The following PARP16 variants were observed in gnomAD, a reference collection of about 807,000 sequenced individuals.
PARP16 encodes the protein protein mono-ADP-ribosyltransferase PARP16.
Under a neutral mutation model 35.0 loss-of-function variants are expected in PARP16, and 31 were observed. That is an observed-to-expected ratio of 0.88 (90% CI 0.66 to 1.19). PARP16 has a LOEUF of 1.19. PARP16 is among the 50% of genes most tolerant of loss of function. The pLI is 0.00. For synonymous variants in PARP16, 162 were observed against 169.5 expected (o/e 0.96, Z 0.34); for missense variants, 424 against 411.2 (o/e 1.03, Z -0.27).
downstream of PARP16, among the ~76,000 whole-genome samples, chr15:65,233,359 G>A (rs1159364703): frequency 2.0e-5 from 3 of 152,152 alleles, no homozygotes; most frequent in Non-Finnish European, 4.4e-5. Context: ...CCAAGATCGC[G>A]CCACTGCTCT....
intron 3 of PARP16, 54 bp from the exon 4 acceptor site, chr15:65,263,374 G>C: frequency 6.9e-7 from 1 of 1,452,300 alleles, no homozygotes; most frequent in East Asian, 2.3e-5. Flanking sequence ...TGTACAGTTG[G>C]CACGGCAAGA....
intron 1 of PARP16, chr15:65,285,473 T>C (rs1321977658): frequency 7.7e-6 from 3 of 390,994 alleles, no homozygotes; most frequent in African/African-American, 2.1e-5. Flanking sequence ...ATGTTACTTG[T>C]GCAAGTCAGA....
chr15:65,246,781 A>G (rs1486273561), intron 3 of PARP16, among the ~76,000 whole-genome samples: 1 of 152,126 alleles, frequency 6.6e-6, no homozygotes, highest in Admixed American at 6.5e-5. Context: ...CTTAGAAGGT[A>G]CCGAAGAAAG....
rs371313518 is a variant in PARP16, at chr15:65,266,617, C to A, written c.464G>T (p.Arg155Leu). The A allele has an allele frequency of 1.2e-6, 2 of 1,614,054 alleles. No individual in the cohort carries two copies. Among genetic ancestry groups the A allele is most frequent in the Non-Finnish European group, 1.7e-6 (2 of 1,180,012 alleles). ...RDLIYAFHGS[R>L]LENFHSIIHN... Reference sequence around the variant, plus strand: ...GATAATGGAATGGAAGTTTTCTAGGCGGCTACCATGAAATGCATAGATTAG... The same window carrying A: ...GATAATGGAATGGAAGTTTTCTAGGAGGCTACCATGAAATGCATAGATTAG... Residue 155 changes from arginine (R) to leucine (L), a missense_variant, in exon 3 of 6, where the codon CGC becomes CTC. Physicochemically the swap from Arg to Leu is moderately radical, Grantham distance 102 (BLOSUM62 -2). Coordinates refer to ENST00000649807, the MANE Select transcript of PARP16 (RefSeq NM_001316943.2).
At chr15:65,238,677 A>G (rs1179378089) in intron 3 of PARP16, among the ~76,000 whole-genome samples, 3 of 152,090 alleles carry the variant, frequency 2.0e-5, no homozygotes, top group Non-Finnish European at 4.4e-5. Context: ...ATCCCTTCTT[A>G]CAGCAGCCAG....
chr15:65,247,021 C>T (rs1403675345), intron 3 of PARP16, among the ~76,000 whole-genome samples: 3 of 152,012 alleles, frequency 2.0e-5, no homozygotes, highest in African/African-American at 4.8e-5. Flanking sequence ...GACAGGGTCT[C>T]GCTCTGTTGC....
intron 2 of PARP16, among the ~76,000 whole-genome samples, chr15:65,270,412 G>C (rs1310431571): frequency 1.3e-5 from 2 of 152,186 alleles, no homozygotes; most frequent in Non-Finnish European, 2.9e-5. Context: ...TGAACCCAGA[G>C]CATGAGGTTT....
Position 65,271,079 on chromosome 15 carries a change from C to T in PARP16, c.175-7G>A. 6.2e-7 allele frequency: 1 copy of T among 1,613,938 alleles called. No individual in the cohort carries two copies. The highest frequency in any genetic ancestry group is 8.5e-7 in the Non-Finnish European group (1 of 1,179,916). Reference sequence around the variant, plus strand: ...ACTTGCTGGCATCTGCAAGCTGAAGCGACGGAAGAACTTCCATTAGCAAGG... The same window carrying T: ...ACTTGCTGGCATCTGCAAGCTGAAGTGACGGAAGAACTTCCATTAGCAAGG... On this transcript the variant is annotated splice_polypyrimidine_tract_variant and splice_region_variant and intron_variant, in intron 1 of 5. Coordinates refer to ENST00000649807, the MANE Select transcript of PARP16 (RefSeq NM_001316943.2).
downstream of PARP16, among the ~76,000 whole-genome samples, chr15:65,255,744 A>G (rs75965788): frequency 6.3e-4 from 51 of 81,176 alleles, 1 homozygote; most frequent in Non-Finnish European, 1.2e-3. Flanking sequence ...GAAAACTCAG[A>G]AAAAAAAAAA....
At chr15:65,232,054 T>C (rs971547172), downstream of PARP16, among the ~76,000 whole-genome samples, 1 of 152,156 alleles carries the variant, frequency 6.6e-6, no homozygotes, top group Non-Finnish European at 1.5e-5. Context: ...CTGTGCCAGT[T>C]TAGACTACAC....
chr15:65,259,619 C>T (rs565346821), intron 5 of PARP16, 77 bp from the exon 6 acceptor site: 1 of 1,332,510 alleles, frequency 7.5e-7, no homozygotes, highest in Non-Finnish European at 1.1e-6. Flanking sequence ...ACAAGTCTGG[C>T]TCTAAGAAGA....
At chr15:65,286,186 T>C in intron 1 of PARP16, 67 bp downstream of exon 1, 1 of 1,282,412 alleles carries the variant, frequency 7.8e-7, no homozygotes. Flanking sequence ...GAACTGCCTC[T>C]ACCTGTGGTT....
chr15:65,271,189 G>A, intron 1 of PARP16, 117 bp from the exon 2 acceptor site: 1 of 925,136 alleles, frequency 1.1e-6, no homozygotes, highest in Non-Finnish European at 1.7e-6. Flanking sequence ...GATCTCCTGA[G>A]AGGAAATTCA....
downstream of PARP16, among the ~76,000 whole-genome samples, chr15:65,231,787 TACA>T (rs1373856910): frequency 1.3e-5 from 2 of 152,266 alleles, no homozygotes; most frequent in African/African-American, 4.8e-5. Flanking sequence ...TTAATGTTAA[TACA>T]ACATTTGTTT....
chr15:65,280,436 CAAAAA>C (rs11450302), intron 1 of PARP16, among the ~76,000 whole-genome samples: 2 of 60,904 alleles, frequency 3.3e-5, no homozygotes, highest in Non-Finnish European at 3.6e-5. Context: ...GAACTCGTCT[CAAAAA>C]AAAAAAAAAA....
rs541646493 is a variant in PARP16, at chr15:65,239,825, T to A, written c.*98-5002A>T. On this transcript the variant is annotated intron_variant and NMD_transcript_variant, in intron 3 of 3. Transcript: ENST00000559805. ...GCACCTTCCACCACGCCTGGCTAATTTTTTGTATTTTTAGTAGAGACAGGG... is the reference window on the plus strand; with the variant it reads ...GCACCTTCCACCACGCCTGGCTAATATTTTGTATTTTTAGTAGAGACAGGG... Among the ~76,000 whole-genome samples the A allele has an allele frequency of 9.4e-4, 139 of 147,254 alleles. 1 individual carries two copies. Among genetic ancestry groups the A allele is most frequent in the Non-Finnish European group, 1.4e-3 (93 of 66,578 alleles).
In PARP16 at chr15:65,286,314, G is replaced by C. The variant is rs774056642; in HGVS notation, c.113C>G (p.Ser38Trp). 6 of 1,604,056 alleles carry C rather than the reference G, an allele frequency of 3.7e-6. No homozygotes were observed. In the African/African-American group the frequency reaches 6.8e-5, roughly 18 times the overall value. ...GGACGCGGGGAAGGGCCGCAGCACC[G>C]AGTCGCGCTTGTAGCTCTGCAGGGC... Reference protein sequence around the residue: ...ASALQSYKRDSVLRPFPASYA... With the variant: ...ASALQSYKRDWVLRPFPASYA... The change falls in exon 1 of 6, where the codon TCG (serine) becomes TGG (tryptophan). Residue 38 changes from serine (S) to tryptophan (W), a missense_variant. Transcript: ENST00000649807.
chr15:65,286,111 A>C, intron 1 of PARP16, 142 bp downstream of exon 1: 1 of 654,244 alleles, frequency 1.5e-6, no homozygotes. Context: ...AACCTTCCCC[A>C]AGGCAAGGCA....
At chr15:65,249,511 TC>T (rs2089297214) in intron 2 of PARP16, among the ~76,000 whole-genome samples, 1 of 152,154 alleles carries the variant, frequency 6.6e-6, no homozygotes, top group African/African-American at 2.4e-5. Flanking sequence ...ACCTTCCTTC[TC>T]CCTTGTACCC....
Sources: gnomAD v4.1 joint callset for allele counts (sites outside exome capture counted in the v4.1 genomes callset) on GRCh38, gnomAD v4.1.1 for gene constraint, MANE v1.5 for transcripts, NCBI Gene and HGNC (gene_info 2026-07-23, HGNC 2026-07-21) for gene names.